EPB41L4A: variants seen among roughly 807,000 people sequenced by gnomAD.
EPB41L4A encodes erythrocyte membrane protein band 4.1 like 4A, also known as band 4.1-like protein 4A.
In EPB41L4A, 100 loss-of-function variants were observed where a neutral mutation model predicts 108.6. That is an observed-to-expected ratio of 0.92 (90% CI 0.78 to 1.09). The LOEUF (loss-of-function observed/expected upper bound fraction) is 1.09, where lower values mean the gene tolerates loss of function less well. Ranked by LOEUF, EPB41L4A falls within the 50% of genes least tolerant of loss-of-function variation. The pLI is 0.00. For synonymous variants in EPB41L4A, 319 were observed against 289.0 expected, an observed-to-expected ratio of 1.10 and a Z score of -1.05; for missense variants, 1,030 against 842.7, an observed-to-expected ratio of 1.22 and a Z score of -2.75.
intron 12 of EPB41L4A, among the ~76,000 whole-genome samples, chr5:112,153,266 C>T (rs1041020978): frequency 1.1e-4 from 16 of 151,910 alleles, no homozygotes; most frequent in Admixed American, 4.6e-4. Context: ...TGTCTCACGC[C>T]TGTAATCCCA....
intron 17 of EPB41L4A, among the ~76,000 whole-genome samples, chr5:112,187,272 A>G (rs1241808251): frequency 1.3e-5 from 2 of 152,222 alleles, no homozygotes; most frequent in African/African-American, 4.8e-5. Context: ...AATTGATCCA[A>G]TAAGTCTACA....
At chr5:112,326,357 C>T (rs4957643) in intron 1 of EPB41L4A, among the ~76,000 whole-genome samples, 9,517 of 152,150 alleles carry the variant, frequency 0.063, 371 homozygotes, top group Middle Eastern at 0.092. Context: ...CCACAACACA[C>T]AAATAGTTCA....
At chr5:112,360,699 T>C (rs1311986043) in intron 1 of EPB41L4A, among the ~76,000 whole-genome samples, 3 of 152,060 alleles carry the variant, frequency 2.0e-5, no homozygotes, top group Non-Finnish European at 4.4e-5. Context: ...TGCCACCCCG[T>C]CTAAGAAGTG....
At chr5:112,170,190 TA>T in intron 20 of EPB41L4A, 110 bp downstream of exon 20, 1 of 1,118,592 alleles carries the variant, frequency 8.9e-7, no homozygotes. Context: ...TAGTTTTGTT[TA>T]AAATGTAAAG....
At chr5:112,402,053 G>A (rs774018789) in intron 1 of EPB41L4A, among the ~76,000 whole-genome samples, 7 of 152,190 alleles carry the variant, frequency 4.6e-5, no homozygotes, top group South Asian at 2.1e-4. Context: ...TTGGATTTGC[G>A]TCCCCGCCCA....
intron 2 of EPB41L4A, among the ~76,000 whole-genome samples, chr5:112,304,105 T>C (rs1240911086): frequency 3.3e-5 from 5 of 152,204 alleles, no homozygotes; most frequent in Middle Eastern, 3.4e-3. Flanking sequence ...TTTATTGTCT[T>C]AGCAAGGGAA....
chr5:112,347,041 C>T (rs1757724270), intron 1 of EPB41L4A, among the ~76,000 whole-genome samples: 1 of 151,820 alleles, frequency 6.6e-6, no homozygotes, highest in South Asian at 2.1e-4. Context: ...CAACTGTGTC[C>T]TGAACCACAA....
At chr5:112,303,146 A>T in intron 2 of EPB41L4A, among the ~76,000 whole-genome samples, 1 of 152,182 alleles carries the variant, frequency 6.6e-6, no homozygotes, top group East Asian at 1.9e-4. Flanking sequence ...TATCACTTAT[A>T]CATATTTTAT....
intron 9 of EPB41L4A, among the ~76,000 whole-genome samples, chr5:112,250,270 TGATA>T (rs1318932258): frequency 6.6e-6 from 1 of 152,210 alleles, no homozygotes; most frequent in Admixed American, 6.5e-5. Flanking sequence ...GTTGATTGCT[TGATA>T]AATAATTACA....
chr5:112,262,278 T>C (rs564435589), intron 7 of EPB41L4A, among the ~76,000 whole-genome samples: 2 of 152,306 alleles, frequency 1.3e-5, no homozygotes, highest in Non-Finnish European at 2.9e-5. Flanking sequence ...GCCCACTTAA[T>C]TGTTTTCTAC....
chr5:112,407,449 G>A (rs1762137792), intron 1 of EPB41L4A, among the ~76,000 whole-genome samples: 1 of 152,156 alleles, frequency 6.6e-6, no homozygotes, highest in Non-Finnish European at 1.5e-5. Flanking sequence ...ATGGAGGTGG[G>A]AAGGGTGTGT....
intron 2 of EPB41L4A, among the ~76,000 whole-genome samples, chr5:112,287,621 T>C (rs1753374488): frequency 6.6e-6 from 1 of 152,208 alleles, no homozygotes; most frequent in Non-Finnish European, 1.5e-5. Context: ...AAAATCCTTC[T>C]AATAACCTAT....
intron 22 of EPB41L4A, among the ~76,000 whole-genome samples, chr5:112,167,081 A>G (rs1760290307): frequency 6.6e-6 from 1 of 151,984 alleles, no homozygotes; most frequent in Non-Finnish European, 1.5e-5. Flanking sequence ...CTGAGTGGAA[A>G]TAAAAATTAC....
intron 12 of EPB41L4A, among the ~76,000 whole-genome samples, chr5:112,226,364 C>T (rs966447223): frequency 2.6e-5 from 4 of 152,154 alleles, no homozygotes; most frequent in East Asian, 1.9e-4. Flanking sequence ...AGCTTCTGTG[C>T]GCTCCTCATT....
intron 1 of EPB41L4A, among the ~76,000 whole-genome samples, chr5:112,377,464 G>C (rs951545457): frequency 5.9e-5 from 9 of 152,096 alleles, no homozygotes; most frequent in Non-Finnish European, 1.3e-4. Flanking sequence ...ACTGAACCCT[G>C]ACTGCAGCAA....
chr5:112,202,971 G>A (rs754922976), intron 15 of EPB41L4A, among the ~76,000 whole-genome samples: 3 of 152,178 alleles, frequency 2.0e-5, no homozygotes, highest in Admixed American at 6.5e-5. Context: ...GGGAGACTGA[G>A]GTGGGAGGAC....
intron 9 of EPB41L4A, among the ~76,000 whole-genome samples, chr5:112,255,412 T>G (rs1290311215): frequency 6.6e-6 from 1 of 152,190 alleles, no homozygotes; most frequent in African/African-American, 2.4e-5. Context: ...AACACCTCTC[T>G]AGGGTACACA....
chr5:112,361,403 C>T (rs941976644), intron 1 of EPB41L4A, among the ~76,000 whole-genome samples: 4 of 152,062 alleles, frequency 2.6e-5, no homozygotes, highest in African/African-American at 9.7e-5. Context: ...GGGCCCTCTG[C>T]CTAGGAAAAC....
At chr5:112,382,990 G>A (rs1760272139) in intron 1 of EPB41L4A, among the ~76,000 whole-genome samples, 1 of 152,180 alleles carries the variant, frequency 6.6e-6, no homozygotes, top group Non-Finnish European at 1.5e-5. Flanking sequence ...AGCCAGCAAT[G>A]ACCCTTTGAG....
Sources: allele counts gnomAD v4.1 joint callset (sites outside exome capture counted in the v4.1 genomes callset), GRCh38; gene constraint gnomAD v4.1.1; transcripts MANE v1.5; gene names NCBI Gene and HGNC (gene_info 2026-07-23, HGNC 2026-07-21).